LYZL1: variants seen among roughly 807,000 people sequenced by gnomAD.
The protein encoded by LYZL1 is lysozyme like 1, also known as lysozyme-like protein 1.
Under a neutral mutation model 17.9 loss-of-function variants are expected in LYZL1, and 16 were observed. The ratio of observed to expected loss-of-function variants is 0.90; its 90% CI spans 0.61 to 1.36. The LOEUF is 1.36. Ranked by LOEUF, LYZL1 falls within the 40% of genes most tolerant of loss-of-function variation. The pLI is 0.00. For missense variants in LYZL1, 149 were observed against 188.4 expected (o/e 0.79, Z 1.22); for synonymous variants, 58 against 71.8 (o/e 0.81, Z 0.97).
chr10:29,314,882 C>T (rs1483015830), downstream of LYZL1, among the ~76,000 whole-genome samples: 1 of 152,180 alleles, frequency 6.6e-6, no homozygotes, highest in Admixed American at 6.5e-5. Context: ...GAGGCCCCTG[C>T]TGCCCTGCGG....
At chr10:29,297,130 A>G (rs1835457254) in intron 3 of LYZL1, among the ~76,000 whole-genome samples, 2 of 152,060 alleles carry the variant, frequency 1.3e-5, no homozygotes, top group African/African-American at 4.8e-5. Flanking sequence ...AGATAACCAA[A>G]TAAAGAACCT....
At chr10:29,292,352 C>T (rs529916676) in intron 2 of LYZL1, among the ~76,000 whole-genome samples, 167 bp from the exon 3 acceptor site, 126 of 152,096 alleles carry the variant, frequency 8.3e-4, no homozygotes, top group Non-Finnish European at 1.6e-3. Context: ...ATCCCAGCCC[C>T]CGATGTGCCC....
chr10:29,302,414 G>A lies in LYZL1; in HGVS notation c.299-7696G>A, dbSNP rs1050391572. On this transcript the variant is annotated intron_variant, in intron 3 of 4. Transcript: ENST00000649382. ...TCGTAAGGATGAGACATCAAAGGCCGGCACGAGGGATGCTCCCTTTAATGG... is the reference window on the plus strand; with the variant it reads ...TCGTAAGGATGAGACATCAAAGGCCAGCACGAGGGATGCTCCCTTTAATGG... Among the ~76,000 whole-genome samples, 16 of 143,898 alleles carry A rather than the reference G, an allele frequency of 1.1e-4. No homozygotes were observed. The East Asian group carries it at 2.7e-3, about 25-fold the overall frequency. The allele number at this position is 143,898 out of a possible 152,430, so 94.4% of individuals were successfully genotyped here.
chr10:29,294,115 G>C (rs1337317254), intron 3 of LYZL1, among the ~76,000 whole-genome samples: 1 of 152,170 alleles, frequency 6.6e-6, no homozygotes, highest in African/African-American at 2.4e-5. Context: ...CAAAAGCAAA[G>C]AGGTGCCTGT....
chr10:29,317,534 G>T (rs1835746684), intron 4 of LYZL1: 1 of 152,188 alleles, frequency 6.6e-6, no homozygotes, highest in African/African-American at 2.4e-5. Context: ...TCTGTCCCTG[G>T]TGATGGAGCA....
At chr10:29,309,831 G>T (rs1311708148) in intron 3 of LYZL1, among the ~76,000 whole-genome samples, 1 of 152,172 alleles carries the variant, frequency 6.6e-6, no homozygotes, top group Non-Finnish European at 1.5e-5. Flanking sequence ...AAACATTCTT[G>T]CATGGCATTT....
chr10:29,300,426 C>G (rs1835501590), intron 3 of LYZL1, among the ~76,000 whole-genome samples: 1 of 152,104 alleles, frequency 6.6e-6, no homozygotes, highest in African/African-American at 2.4e-5. Flanking sequence ...TAATTTCTCC[C>G]ATTTCATCCT....
chr10:29,290,069 G>A (rs1027332389), intron 1 of LYZL1, among the ~76,000 whole-genome samples: 10 of 152,100 alleles, frequency 6.6e-5, no homozygotes, highest in African/African-American at 1.4e-4. Context: ...TACTTGGTGC[G>A]GTGGCCTTGC....
downstream of LYZL1, among the ~76,000 whole-genome samples, chr10:29,311,754 G>A (rs1311478302): frequency 1.3e-5 from 2 of 151,994 alleles, no homozygotes; most frequent in Non-Finnish European, 2.9e-5. Context: ...AAAGTGGGTG[G>A]ATCACTTGAA....
downstream of LYZL1, among the ~76,000 whole-genome samples, chr10:29,315,195 A>T (rs1835715065): frequency 6.6e-6 from 1 of 152,186 alleles, no homozygotes; most frequent in South Asian, 2.1e-4. Context: ...TCCAACTAGA[A>T]ATACACTATA....
chr10:29,303,007 C>T (rs2132827631), intron 3 of LYZL1, among the ~76,000 whole-genome samples: 1 of 152,310 alleles, frequency 6.6e-6, no homozygotes, highest in East Asian at 1.9e-4. Flanking sequence ...TTTGAATGTG[C>T]TGAGGATTCA....
intron 3 of LYZL1, among the ~76,000 whole-genome samples, chr10:29,293,564 T>C (rs938883802): frequency 6.6e-6 from 1 of 152,208 alleles, no homozygotes; most frequent in Non-Finnish European, 1.5e-5. Flanking sequence ...AATTCTGCTT[T>C]ACCGAACTTT....
At chr10:29,303,725 A>G (rs1835552536) in intron 3 of LYZL1, among the ~76,000 whole-genome samples, 1 of 152,210 alleles carries the variant, frequency 6.6e-6, no homozygotes. Context: ...TTGGTTTTAT[A>G]ACTAACCACC....
At chr10:29,293,852 T>G (rs1162580199) in intron 3 of LYZL1, among the ~76,000 whole-genome samples, 1 of 151,936 alleles carries the variant, frequency 6.6e-6, no homozygotes, top group South Asian at 2.1e-4. Context: ...TAGGTGCCTG[T>G]AATCCCAGCT....
intron 3 of LYZL1, among the ~76,000 whole-genome samples, chr10:29,297,839 AT>A (rs148127335): frequency 0.026 from 3,989 of 152,292 alleles, 173 homozygotes; most frequent in African/African-American, 0.085. Context: ...ACAGGCTTCC[AT>A]TTGAAAATAA....
chr10:29,301,107 G>A (rs903123964), intron 3 of LYZL1, among the ~76,000 whole-genome samples: 1 of 152,060 alleles, frequency 6.6e-6, no homozygotes, highest in Admixed American at 6.5e-5. Flanking sequence ...TCGGTGGGAG[G>A]TGATTGAATT....
At position 29,295,188 on chromosome 10, in the gene LYZL1, G is replaced by T. The variant is rs565443918; in HGVS notation, c.298+2511G>T. Among the ~76,000 whole-genome samples, 14 of 152,310 alleles carry T rather than the reference G, an allele frequency of 9.2e-5. No homozygotes were observed. The South Asian group carries it at 1.0e-3, about 11-fold the overall frequency. The stretch of plus-strand genomic sequence containing the variant: ...ACCTCCTGAGATAGATCTCCCGATT[G>T]TTGGTCAGCCCTTAATTTAGAACAT... On this transcript the variant is annotated intron_variant, in intron 3 of 4. Coordinates refer to ENST00000649382, the MANE Select transcript of LYZL1 (RefSeq NM_032517.6).
chr10:29,290,673 T>C (rs910267114), intron 1 of LYZL1, among the ~76,000 whole-genome samples: 1 of 152,034 alleles, frequency 6.6e-6, no homozygotes, highest in Non-Finnish European at 1.5e-5. Flanking sequence ...ACCTCATCTA[T>C]ACTAGAAACA....
intron 2 of LYZL1, among the ~76,000 whole-genome samples, 155 bp from the exon 3 acceptor site, chr10:29,292,364 T>C (rs900119079): frequency 3.9e-5 from 6 of 151,976 alleles, no homozygotes; most frequent in Non-Finnish European, 8.8e-5. Flanking sequence ...GATGTGCCCC[T>C]CGTGTGCCCC....
Sources: allele counts gnomAD v4.1 joint callset (sites outside exome capture counted in the v4.1 genomes callset), GRCh38; gene constraint gnomAD v4.1.1; transcripts MANE v1.5; gene names NCBI Gene and HGNC (gene_info 2026-07-23, HGNC 2026-07-21).